Variants in SPAG16 observed in about 807,000 individuals in gnomAD.
SPAG16 encodes the protein sperm associated antigen 16, also known as sperm-associated antigen 16 protein.
SPAG16 carries 86 observed loss-of-function variants against 80.4 expected under a neutral mutation model. That is an observed-to-expected ratio of 1.07 (90% CI 0.90 to 1.28). The LOEUF is 1.28. Among genes scored for constraint, SPAG16 ranks in the 50% most tolerant of loss-of-function variants. SPAG16 has a pLI of 0.00. For synonymous variants in SPAG16, 294 were observed against 265.9 expected, an observed-to-expected ratio of 1.11 and a Z score of -1.03; for missense variants, 870 against 765.3, an observed-to-expected ratio of 1.14 and a Z score of -1.61.
chr2:213,416,393 G>A (rs1559111085), intron 9 of SPAG16, among the ~76,000 whole-genome samples: 2 of 152,100 alleles, frequency 1.3e-5, no homozygotes, highest in African/African-American at 2.4e-5. Context: ...CTACTTTTAG[G>A]AGCCAAAACT....
intron 10 of SPAG16, among the ~76,000 whole-genome samples, chr2:213,637,248 T>C (rs1164142026): frequency 1.3e-5 from 2 of 152,252 alleles, no homozygotes; most frequent in African/African-American, 2.4e-5. Context: ...TTATATGACA[T>C]GTCACATTTA....
intron 1 of SPAG16, among the ~76,000 whole-genome samples, chr2:213,285,183 A>G (rs1191483905): frequency 2.6e-5 from 4 of 152,190 alleles, no homozygotes; most frequent in Non-Finnish European, 5.9e-5. Flanking sequence ...AATAATAAAT[A>G]CTAATAGTAT....
intron 7 of SPAG16, among the ~76,000 whole-genome samples, chr2:213,359,941 T>C (rs1419933506): frequency 2.0e-5 from 3 of 152,188 alleles, no homozygotes; most frequent in African/African-American, 7.2e-5. Context: ...AGCTAATTTC[T>C]TGATATCTAA....
chr2:213,749,112 A>T (rs1054336179), intron 10 of SPAG16, among the ~76,000 whole-genome samples: 23 of 152,182 alleles, frequency 1.5e-4, no homozygotes, highest in African/African-American at 5.3e-4. Flanking sequence ...GCGCCACTGT[A>T]CTACACCCTG....
intron 11 of SPAG16, among the ~76,000 whole-genome samples, chr2:213,873,623 A>G (rs1180389220): frequency 2.6e-5 from 4 of 151,920 alleles, no homozygotes; most frequent in Non-Finnish European, 4.4e-5. Flanking sequence ...TACCATTTAC[A>G]TCTGTGAATT....
At chr2:213,396,550 C>G (rs754885966) in intron 9 of SPAG16, 1 of 426,168 alleles carries the variant, frequency 2.3e-6, no homozygotes, top group Middle Eastern at 3.4e-4. Flanking sequence ...GAGCTCAGTG[C>G]GAGAACAGCC....
At chr2:213,371,147 G>A (rs1343005697) in intron 8 of SPAG16, among the ~76,000 whole-genome samples, 1 of 152,078 alleles carries the variant, frequency 6.6e-6, no homozygotes. Flanking sequence ...GGTGGCTCAC[G>A]CCTGTAATCC....
chr2:213,867,153 G>A (rs908288812), intron 11 of SPAG16, among the ~76,000 whole-genome samples: 3 of 152,136 alleles, frequency 2.0e-5, no homozygotes, highest in African/African-American at 4.8e-5. Flanking sequence ...TCGTCACAGT[G>A]TAACTCATCA....
At chr2:213,996,162 G>A (rs7589549) in intron 12 of SPAG16, among the ~76,000 whole-genome samples, 17,868 of 152,196 alleles carry the variant, frequency 0.12, 1,487 homozygotes, top group African/African-American at 0.24. Flanking sequence ...ATCACCAGGA[G>A]TATAAATGCA....
At chr2:214,164,709 AAG>A (rs2056579189) in intron 15 of SPAG16, among the ~76,000 whole-genome samples, 1 of 152,174 alleles carries the variant, frequency 6.6e-6, no homozygotes, top group Admixed American at 6.6e-5. Flanking sequence ...TGCAACTTAA[AAG>A]AGAGCTAATA....
intron 15 of SPAG16, among the ~76,000 whole-genome samples, chr2:214,332,960 G>A (rs1163094020): frequency 6.6e-6 from 1 of 152,164 alleles, no homozygotes; most frequent in East Asian, 1.9e-4. Flanking sequence ...TTTTAACAAA[G>A]AAAGTTATGA....
Position 213,284,467 on chromosome 2 carries a change from G to C in SPAG16, c.-17G>C, listed in dbSNP as rs1294966645. 3.9e-6 allele frequency: 6 copies of C among 1,555,668 alleles called. No homozygotes were observed. The highest frequency in any genetic ancestry group is 5.2e-6 in the Non-Finnish European group (6 of 1,150,772). Reference sequence around the variant, plus strand: ...CGGCTGTGGGCCTGCTGGGGGTGGGGGCCCGAAGCGCCAGAGATGGCTGCT... The same window carrying C: ...CGGCTGTGGGCCTGCTGGGGGTGGGCGCCCGAAGCGCCAGAGATGGCTGCT... On this transcript the variant is annotated 5_prime_UTR_variant, in exon 1 of 16. Coordinates refer to ENST00000331683, the MANE Select transcript of SPAG16 (RefSeq NM_024532.5).
intron 11 of SPAG16, among the ~76,000 whole-genome samples, chr2:213,889,825 T>C (rs890652752): frequency 5.9e-5 from 9 of 151,416 alleles, no homozygotes; most frequent in Non-Finnish European, 1.2e-4. Flanking sequence ...ATGTTGCCTA[T>C]GGGAAGCCTC....
At chr2:213,500,008 G>GT (rs1462117387) in intron 10 of SPAG16, among the ~76,000 whole-genome samples, 6 of 152,094 alleles carry the variant, frequency 3.9e-5, no homozygotes, top group Non-Finnish European at 5.9e-5. Flanking sequence ...TTGACAGCCA[G>GT]TTAACCTTTA....
intron 10 of SPAG16, among the ~76,000 whole-genome samples, chr2:213,821,208 A>G (rs1390872752): frequency 6.6e-6 from 1 of 152,122 alleles, no homozygotes; most frequent in African/African-American, 2.4e-5. Flanking sequence ...TTTATTTTCT[A>G]ACTTGTCCTT....
chr2:214,193,432 A>T lies in SPAG16; in HGVS notation c.1720+44166A>T, dbSNP rs1023606. Reference sequence around the variant, plus strand: ...GTGTGTGTGTGTGTGTGTATGAGAGAGAGAGAGAGAGAGAGAGAGAGAGAG... The same window carrying T: ...GTGTGTGTGTGTGTGTGTATGAGAGTGAGAGAGAGAGAGAGAGAGAGAGAG... On this transcript the variant is annotated intron_variant, in intron 15 of 15. Coordinates refer to ENST00000331683, the MANE Select transcript of SPAG16 (RefSeq NM_024532.5). Among the ~76,000 whole-genome samples the T allele has an allele frequency of 2.6e-3, 303 of 118,658 alleles. 1 individual carries two copies. The highest frequency in any genetic ancestry group is 0.015 in the South Asian group (55 of 3,732). The allele number at this position is 118,658 out of a possible 152,430, so 77.8% of individuals were successfully genotyped here.
intron 15 of SPAG16, among the ~76,000 whole-genome samples, chr2:214,334,459 A>G (rs888019479): frequency 6.6e-6 from 1 of 152,170 alleles, no homozygotes; most frequent in East Asian, 1.9e-4. Flanking sequence ...TTCCCATTCA[A>G]GGTTCTGAAT....
At chr2:214,138,622 A>G (rs917663717) in intron 14 of SPAG16, among the ~76,000 whole-genome samples, 4 of 152,108 alleles carry the variant, frequency 2.6e-5, no homozygotes, top group Non-Finnish European at 4.4e-5. Context: ...ATTTAGCAGG[A>G]ACCAAAACTC....
At chr2:213,468,241 G>A (rs1431013997) in intron 9 of SPAG16, among the ~76,000 whole-genome samples, 3 of 151,794 alleles carry the variant, frequency 2.0e-5, no homozygotes, top group African/African-American at 7.3e-5. Flanking sequence ...GTAATTGAGA[G>A]GCTTAGTTTT....
Sources: gnomAD v4.1 joint callset for allele counts (sites outside exome capture counted in the v4.1 genomes callset) on GRCh38, gnomAD v4.1.1 for gene constraint, MANE v1.5 for transcripts, NCBI Gene and HGNC (gene_info 2026-07-23, HGNC 2026-07-21) for gene names.